CSTF1: variants seen among roughly 807,000 people sequenced by gnomAD.
CSTF1 encodes the protein CF-1 50 kDa subunit.
In CSTF1, 2 loss-of-function variants were observed where a neutral mutation model predicts 40.9. The observed-to-expected ratio is 0.05, with a 90% CI of 0.02 to 0.15. The LOEUF (loss-of-function observed/expected upper bound fraction) is 0.15, where lower values mean the gene tolerates loss of function less well. Among genes scored for constraint, CSTF1 ranks in the 10% least tolerant of loss-of-function variants. CSTF1 has a pLI of 1.00. For synonymous variants in CSTF1, 218 were observed against 207.2 expected, an observed-to-expected ratio of 1.05 and a Z score of -0.45; for missense variants, 279 against 558.9, an observed-to-expected ratio of 0.50 and a Z score of 5.05.
chr20:56,400,139 C>G lies in CSTF1; in HGVS notation c.1036+782C>G, dbSNP rs189461289. Among the ~76,000 whole-genome samples, 32 of 152,176 alleles carry G rather than the reference C, an allele frequency of 2.1e-4. 1 individual carries two copies. The East Asian group carries it at 5.6e-3, about 27-fold the overall frequency. On this transcript the variant is annotated intron_variant, in intron 5 of 5. Coordinates refer to ENST00000217109, the MANE Select transcript of CSTF1 (RefSeq NM_001324.3). ...CATGAGCATAACTCAAAAAAAATCA[C>G]AAGAAAACAGTATTGGAAGGGACTG...
Position 56,405,844 on chromosome 20 carries a change from C to G in CSTF1, c.*2117C>G, listed in dbSNP as rs1055185310. 1 of 152,230 alleles carries G rather than the reference C, an allele frequency of 6.6e-6. No individual in the cohort carries two copies. Among genetic ancestry groups the G allele is most frequent in the African/African-American group, 2.4e-5 (1 of 41,456 alleles). 9.4% of individuals were successfully genotyped at this position (152,230 alleles called of 1,614,324 possible). ...CATTACCAACCAAACCTCCCCTGTT[C>G]TTTTTTCAGACTTTCCTTTTGCTTT... On this transcript the variant is annotated 3_prime_UTR_variant, in exon 6 of 6. Coordinates refer to ENST00000217109, the MANE Select transcript of CSTF1 (RefSeq NM_001324.3).
chr20:56,402,203 A>T (rs773269275), intron 5 of CSTF1, among the ~76,000 whole-genome samples: 2 of 152,012 alleles, frequency 1.3e-5, no homozygotes, highest in Admixed American at 1.3e-4. Context: ...GCTACTCAGG[A>T]GGCTGAGGCA....
chr20:56,402,853 C>T (rs763862022), intron 5 of CSTF1, among the ~76,000 whole-genome samples: 52 of 150,902 alleles, frequency 3.4e-4, no homozygotes, highest in South Asian at 4.2e-4. Context: ...GAGAATCACT[C>T]GAACCCAGGA....
Position 56,397,726 on chromosome 20 carries a change from C to T in CSTF1, c.530C>T (p.Thr177Met), listed in dbSNP as rs533574021. Residue 177 changes from threonine (T) to methionine (M), a missense_variant, in exon 4 of 6, where the codon ACG (threonine) becomes ATG (methionine). Transcript: ENST00000217109. This position sits in a 1 kb window ranked among gnomAD's most constrained non-coding sequence, Gnocchi z 4.4. ...RTLYDHVDEV[T>M]CLAFHPTEQI... ...CTTTATGACCATGTGGATGAAGTCA[C>T]GTGCCTTGCTTTCCACCCAACAGAA... 12 of 1,614,122 alleles carry T rather than the reference C, an allele frequency of 7.4e-6. No individual in the cohort carries two copies. Among genetic ancestry groups the T allele is most frequent in the Middle Eastern group, 1.6e-4 (1 of 6,062 alleles).
At position 56,397,522 on chromosome 20, in the gene CSTF1, G is replaced by A; in HGVS notation, c.447+38G>A. 1.2e-6 allele frequency: 2 copies of A among 1,604,696 alleles called. No homozygotes were observed. Among genetic ancestry groups the A allele is most frequent in the East Asian group, 2.2e-5 (1 of 44,734 alleles). ...GTCACATACTTATTGATTGCCTTCT[G>A]TTTTTCATTTTTGGAAAAATGAGAG... is the stretch of plus-strand genomic sequence containing the variant. On this transcript the variant is annotated intron_variant, in intron 3 of 5. Coordinates refer to ENST00000217109, the MANE Select transcript of CSTF1 (RefSeq NM_001324.3). This position sits in a 1 kb window ranked among gnomAD's most constrained non-coding sequence, Gnocchi z 4.4.
chr20:56,394,790 A>C (rs116174154), intron 1 of CSTF1, among the ~76,000 whole-genome samples: 211 of 152,350 alleles, frequency 1.4e-3, no homozygotes, highest in African/African-American at 4.7e-3. Flanking sequence ...TTAAGACTGA[A>C]GGAAAACTTA....
At chr20:56,393,051 A>G (rs1454472299) in intron 1 of CSTF1, among the ~76,000 whole-genome samples, 17 of 151,932 alleles carry the variant, frequency 1.1e-4, no homozygotes, top group Admixed American at 9.2e-4. Context: ...GGGGATAATT[A>G]GGCTTCTGTT....
chr20:56,398,829 CT>C (rs200691128), intron 4 of CSTF1, 137 bp from the exon 5 acceptor site: 6 of 765,574 alleles, frequency 7.8e-6, no homozygotes, highest in East Asian at 2.7e-5. Flanking sequence ...CCAGAAAGCA[CT>C]TTTTTTCTTA....
chr20:56,396,851 C>T (rs554035496), intron 2 of CSTF1: 151 of 186,292 alleles, frequency 8.1e-4, no homozygotes, highest in Middle Eastern at 7.0e-3. Flanking sequence ...TATCTCAACC[C>T]TAAAAATATT....
Position 56,403,892 on chromosome 20 carries a change from G to A in CSTF1, c.*165G>A. 1 of 694,630 alleles carries A rather than the reference G, an allele frequency of 1.4e-6. No individual in the cohort carries two copies. Among genetic ancestry groups the A allele is most frequent in the East Asian group, 2.7e-5 (1 of 37,456 alleles). 43.0% of individuals were successfully genotyped at this position (694,630 alleles called of 1,614,324 possible). On this transcript the variant is annotated 3_prime_UTR_variant, in exon 6 of 6. Coordinates refer to ENST00000217109, the MANE Select transcript of CSTF1 (RefSeq NM_001324.3). ...AAGAATCTTTTTTTACCTTGATGTA[G>A]AATCATGGTGGAAAAAGTTGGAAAC...
At position 56,397,964 on chromosome 20, in the gene CSTF1, A is replaced by G. The variant is rs1978319144; in HGVS notation, c.645+123A>G. 6.7e-6 allele frequency: 5 copies of G among 742,900 alleles called. No individual in the cohort carries two copies. The South Asian group carries it at 7.3e-5, about 11-fold the overall frequency. The allele number at this position is 742,900 out of a possible 1,614,324, so 46.0% of individuals were successfully genotyped here. ...GTAAGATGCGTACAGACCAGGATGC[A>G]TGCCCGATGGCACATGGATCAGATT... On this transcript the variant is annotated intron_variant, in intron 4 of 5. Coordinates refer to ENST00000217109, the MANE Select transcript of CSTF1 (RefSeq NM_001324.3). The surrounding 1 kb of genome is among the most constrained non-coding windows in gnomAD (Gnocchi z 4.4).
chr20:56,400,244 C>T (rs531483340), intron 5 of CSTF1, among the ~76,000 whole-genome samples: 2 of 152,302 alleles, frequency 1.3e-5, no homozygotes, highest in East Asian at 1.9e-4. Context: ...AGATTTGTCT[C>T]ATTGTAACCA....
rs1430111758 is a variant in CSTF1, at chr20:56,405,782, A to G, written c.*2055A>G. 3 of 152,226 alleles carry G rather than the reference A, an allele frequency of 2.0e-5. No individual in the cohort carries two copies. The allele number at this position is 152,226 out of a possible 1,614,324, so 9.4% of individuals were successfully genotyped here. ...ACTCTCGTAAGACTAAAAGGCACCT[A>G]CTAAATACGAACAAGGATAACCAGT... On this transcript the variant is annotated 3_prime_UTR_variant, in exon 6 of 6. Coordinates refer to ENST00000217109, the MANE Select transcript of CSTF1 (RefSeq NM_001324.3).
In CSTF1 at chr20:56,397,089, C is replaced by T; in HGVS notation, c.170-118C>T. 8.7e-7 allele frequency: 1 copy of T among 1,143,268 alleles called. No homozygotes were observed. Among genetic ancestry groups the T allele is most frequent in the Non-Finnish European group, 1.2e-6 (1 of 805,436 alleles). 70.8% of individuals were successfully genotyped at this position (1,143,268 alleles called of 1,614,324 possible). ...TAAAGTGTTAGGTGTCACGCGGCTCCAAGAAATAGGAGGTTGACACTGGTG... is the reference window on the plus strand; with the variant it reads ...TAAAGTGTTAGGTGTCACGCGGCTCTAAGAAATAGGAGGTTGACACTGGTG... On this transcript the variant is annotated intron_variant, in intron 2 of 5. Coordinates refer to ENST00000217109, the MANE Select transcript of CSTF1 (RefSeq NM_001324.3). This position sits in a 1 kb window ranked among gnomAD's most constrained non-coding sequence, Gnocchi z 4.4.
At chr20:56,402,973 A>G (rs1421606204) in intron 5 of CSTF1, among the ~76,000 whole-genome samples, 1 of 152,068 alleles carries the variant, frequency 6.6e-6, no homozygotes, top group Non-Finnish European at 1.5e-5. Context: ...GAATTGTTAA[A>G]TAAGTAATGG....
intron 5 of CSTF1, among the ~76,000 whole-genome samples, chr20:56,402,884 G>A (rs987340010): frequency 1.3e-5 from 2 of 150,588 alleles, no homozygotes; most frequent in African/African-American, 2.4e-5. Context: ...GCAGTGAGCC[G>A]AGATCACGCC....
At chr20:56,396,928 T>C (rs1987534343) in intron 2 of CSTF1, 6 of 345,444 alleles carry the variant, frequency 1.7e-5, no homozygotes, top group Non-Finnish European at 3.2e-5. Context: ...TTTCTGTAGT[T>C]GTAGATAAAG....
At chr20:56,401,593 C>T (rs772793428) in intron 5 of CSTF1, among the ~76,000 whole-genome samples, 1 of 152,126 alleles carries the variant, frequency 6.6e-6, no homozygotes, top group Non-Finnish European at 1.5e-5. Flanking sequence ...CATGCACATG[C>T]CCATAAAAGG....
Position 56,395,524 on chromosome 20 carries a change from G to T in CSTF1, c.-29G>T, listed in dbSNP as rs757725508. The T allele has an allele frequency of 1.4e-5, 22 of 1,597,866 alleles. No homozygotes were observed. The highest frequency in any genetic ancestry group is 1.6e-5 in the Non-Finnish European group (19 of 1,170,956). On this transcript the variant is annotated 5_prime_UTR_variant, in exon 2 of 6. Coordinates refer to ENST00000217109, the MANE Select transcript of CSTF1 (RefSeq NM_001324.3). ...CGTCCATTTTCCGTTTTTGCAGCTG[G>T]CAGGGAAACTGTCTTCCTTTTCTCC...
Sources: gnomAD v4.1 joint callset for allele counts (sites outside exome capture counted in the v4.1 genomes callset) on GRCh38, gnomAD v4.1.1 for gene constraint, Gnocchi (gnomAD v3.1) non-coding constraint, MANE v1.5 for transcripts, NCBI Gene and HGNC (gene_info 2026-07-23, HGNC 2026-07-21) for gene names.